The following MARK4 variants were observed in gnomAD, a reference collection of about 807,000 sequenced individuals.
MARK4 encodes microtubule affinity regulating kinase 4.
In MARK4, 19 loss-of-function variants were observed where a neutral mutation model predicts 81.5. That is an observed-to-expected ratio of 0.23 (90% CI 0.16 to 0.34). MARK4 has a LOEUF of 0.34. Among genes scored for constraint, MARK4 ranks in the 10% least tolerant of loss-of-function variants. The pLI is 1.00. For synonymous variants in MARK4, 436 were observed against 439.0 expected (o/e 0.99, Z 0.08); for missense variants, 772 against 1,058.8 (o/e 0.73, Z 3.76).
chr19:45,256,140 A>G (rs1456733223), intron 1 of MARK4, among the ~76,000 whole-genome samples: 1 of 152,200 alleles, frequency 6.6e-6, no homozygotes, highest in Non-Finnish European at 1.5e-5. Flanking sequence ...AGGGCCAGTG[A>G]AAGACTTGGT....
chr19:45,251,777 C>G, intron 1 of MARK4, 138 bp downstream of exon 1: 1 of 765,786 alleles, frequency 1.3e-6, no homozygotes, highest in Non-Finnish European at 2.0e-6. Context: ...CGACCCCTCC[C>G]GGACTTCCAG....
chr19:45,292,250 C>T (rs1970829588), intron 13 of MARK4, among the ~76,000 whole-genome samples: 1 of 151,826 alleles, frequency 6.6e-6, no homozygotes, highest in South Asian at 2.1e-4. Flanking sequence ...CCAGCCTGGG[C>T]AACATGGTGA....
At chr19:45,284,080 C>T (rs1320707652) in intron 12 of MARK4, among the ~76,000 whole-genome samples, 1 of 151,822 alleles carries the variant, frequency 6.6e-6, no homozygotes, top group Admixed American at 6.6e-5. Flanking sequence ...TACAGTGGTG[C>T]GATGGTGGCT....
chr19:45,288,849 C>CAA (rs34269496), intron 13 of MARK4, among the ~76,000 whole-genome samples: 55,120 of 102,388 alleles, frequency 0.54, 14,547 homozygotes, highest in Non-Finnish European at 0.59. Context: ...GACTCTGTCT[C>CAA]AAAAAAAAAA....
intron 1 of MARK4, among the ~76,000 whole-genome samples, chr19:45,255,633 C>G (rs1194748670): frequency 1.3e-5 from 2 of 151,816 alleles, no homozygotes; most frequent in Non-Finnish European, 2.9e-5. Context: ...GTCTCACTTT[C>G]CCCACCTGTA....
At position 45,280,754 on chromosome 19, in the gene MARK4, C is replaced by T. The variant is rs201106416; in HGVS notation, c.1276+20C>T. The T allele has an allele frequency of 6.6e-5, 106 of 1,612,042 alleles. No individual in the cohort carries two copies. Among genetic ancestry groups the T allele is most frequent in the Non-Finnish European group, 7.9e-5 (93 of 1,178,570 alleles). Reference sequence around the variant, plus strand: ...ATTTCTGTGAGTATCAACCCCACGCCCTCACGCACCCTCCTTCTCCCCAAG... The same window carrying T: ...ATTTCTGTGAGTATCAACCCCACGCTCTCACGCACCCTCCTTCTCCCCAAG... On this transcript the variant is annotated intron_variant, in intron 12 of 16. Coordinates refer to ENST00000262891, the MANE Select transcript of MARK4 (RefSeq NM_001199867.2).
chr19:45,279,652 G>A (rs1970646136), intron 10 of MARK4, among the ~76,000 whole-genome samples: 1 of 152,158 alleles, frequency 6.6e-6, no homozygotes, highest in Non-Finnish European at 1.5e-5. Context: ...GTTTAAAATT[G>A]TCAGTACCAC....
At chr19:45,273,304 A>G (rs1970555211) in intron 8 of MARK4, among the ~76,000 whole-genome samples, 2 of 152,182 alleles carry the variant, frequency 1.3e-5, no homozygotes, top group African/African-American at 4.8e-5. Context: ...TGCTGCCCTC[A>G]TCGGCATTGA....
intron 16 of MARK4, among the ~76,000 whole-genome samples, chr19:45,301,304 C>T (rs1970968288): frequency 1.3e-5 from 2 of 152,282 alleles, no homozygotes; most frequent in East Asian, 3.9e-4. Flanking sequence ...TGGCTCTCGC[C>T]TGTAATCCCA....
chr19:45,290,993 A>C (rs577879784), intron 13 of MARK4, among the ~76,000 whole-genome samples: 5 of 152,272 alleles, frequency 3.3e-5, no homozygotes, highest in Admixed American at 3.3e-4. Context: ...CATCAGCTCA[A>C]CTTCAGGCAG....
chr19:45,286,651 T>G (rs978395620), intron 12 of MARK4, among the ~76,000 whole-genome samples: 3 of 151,906 alleles, frequency 2.0e-5, no homozygotes, highest in Admixed American at 6.6e-5. Context: ...AGGCCAAGGT[T>G]GCAGCAAGCT....
intron 13 of MARK4, among the ~76,000 whole-genome samples, chr19:45,291,575 G>A (rs1970821127): frequency 6.6e-6 from 1 of 152,216 alleles, no homozygotes; most frequent in South Asian, 2.1e-4. Flanking sequence ...GAGGTCAGGA[G>A]ATCGAGACCA....
chr19:45,265,396 G>A (rs1970438177), intron 6 of MARK4, among the ~76,000 whole-genome samples: 2 of 151,982 alleles, frequency 1.3e-5, no homozygotes, highest in South Asian at 4.1e-4. Flanking sequence ...AAGCTTGTAG[G>A]TACTAGGGCA....
In MARK4 at chr19:45,302,291, G is replaced by C; in HGVS notation, c.1923-83G>C. The C allele has an allele frequency of 6.3e-7, 1 of 1,596,262 alleles. No individual in the cohort carries two copies. Reference sequence around the variant, plus strand: ...GAGGGGATGGCTAGGAATGTGTCCCGAATTGGGAAGAGTTGTCCCTTCAGC... The same window carrying C: ...GAGGGGATGGCTAGGAATGTGTCCCCAATTGGGAAGAGTTGTCCCTTCAGC... On this transcript the variant is annotated intron_variant, in intron 16 of 16. Transcript: ENST00000262891. The surrounding 1 kb of genome is among the most constrained non-coding windows in gnomAD (Gnocchi z 4.9).
Position 45,261,920 on chromosome 19 carries a change from G to A in MARK4, c.253-1193G>A, listed in dbSNP as rs529007842. Among the ~76,000 whole-genome samples the A allele has an allele frequency of 2.0e-5, 3 of 148,440 alleles. No individual in the cohort carries two copies. The South Asian group carries it at 6.7e-4, about 33-fold the overall frequency. Reference sequence around the variant, plus strand: ...TGCACTCCAGCCTGAGCAACAAGAGGGAAACTCTGTCTCAAAAAAAAAAAA... The same window carrying A: ...TGCACTCCAGCCTGAGCAACAAGAGAGAAACTCTGTCTCAAAAAAAAAAAA... On this transcript the variant is annotated intron_variant, in intron 2 of 16. Transcript: ENST00000262891.
At chr19:45,301,726 G>A (rs1970975843) in intron 16 of MARK4, among the ~76,000 whole-genome samples, 2 of 151,558 alleles carry the variant, frequency 1.3e-5, no homozygotes, top group Non-Finnish European at 2.9e-5. Flanking sequence ...GGGGCCAGGC[G>A]TGGTGGCGCG....
chr19:45,270,745 G>A (rs901999407), intron 7 of MARK4, among the ~76,000 whole-genome samples: 7 of 151,650 alleles, frequency 4.6e-5, no homozygotes, highest in East Asian at 1.9e-4. Context: ...GACTACTGGC[G>A]CACACCACCA....
intron 16 of MARK4, 28 bp downstream of exon 16, chr19:45,299,883 C>G: frequency 1.9e-6 from 3 of 1,579,440 alleles, no homozygotes; most frequent in Non-Finnish European, 2.6e-6. Context: ...CCCCTGACTG[C>G]CACTTCCCCT....
intron 2 of MARK4, among the ~76,000 whole-genome samples, chr19:45,259,939 T>A (rs942807258): frequency 2.7e-5 from 4 of 150,870 alleles, no homozygotes; most frequent in African/African-American, 7.3e-5. Context: ...ATACAAAAAT[T>A]AGCTGGGCGT....
Sources: allele counts gnomAD v4.1 joint callset (sites outside exome capture counted in the v4.1 genomes callset), GRCh38; gene constraint gnomAD v4.1.1; non-coding constraint Gnocchi (gnomAD v3.1); transcripts MANE v1.5; gene names NCBI Gene and HGNC (gene_info 2026-07-23, HGNC 2026-07-21).